Variants in MYO18B observed in about 807,000 individuals in gnomAD.
The protein encoded by MYO18B is unconventional myosin-XVIIIb.
In MYO18B, 204 loss-of-function variants were observed where a neutral mutation model predicts 273.0. The observed-to-expected ratio is 0.75, with a 90% CI of 0.67 to 0.84. The LOEUF is 0.84. Ranked by LOEUF, MYO18B falls within the 40% of genes least tolerant of loss-of-function variation. The pLI is 0.00. For missense variants in MYO18B, 3,212 were observed against 3,287.6 expected (o/e 0.98, Z 0.56); for synonymous variants, 1,330 against 1,305.7 (o/e 1.02, Z -0.40).
Position 25,868,374 on chromosome 22 carries a change from G to A in MYO18B, c.3940G>A (p.Gly1314Arg). 6.3e-7 allele frequency: 1 copy of A among 1,598,780 alleles called. No individual in the cohort carries two copies. Among genetic ancestry groups the A allele is most frequent in the Non-Finnish European group, 8.5e-7 (1 of 1,172,570 alleles). The change falls in exon 22 of 44, where the codon GGG becomes AGG. Residue 1314 changes from glycine to arginine, a missense_variant. Gly to Arg is a moderately radical substitution (Grantham distance 125, BLOSUM62 -2). Transcript: ENST00000335473. ...TCTGGAAAAGAAGGCGGTGGCTGTG[G>A]GGCACAGCCAAGTGAGTAGAGCTGC... ...LDLEKKAVAV[G>R]HSQVFLKAGV...
intron 39 of MYO18B, among the ~76,000 whole-genome samples, chr22:25,976,545 G>A (rs1341199880): frequency 1.3e-5 from 2 of 152,270 alleles, no homozygotes; most frequent in Admixed American, 6.5e-5. Flanking sequence ...CTTAATTTTA[G>A]TCATTAACAT....
At chr22:25,963,171 C>CTCTG (rs1194211206) in intron 39 of MYO18B, among the ~76,000 whole-genome samples, 4 of 148,592 alleles carry the variant, frequency 2.7e-5, no homozygotes, top group Admixed American at 2.7e-4. Context: ...CTCTCTCTCT[C>CTCTG]TCTCTCTCAC....
intron 25 of MYO18B, among the ~76,000 whole-genome samples, chr22:25,882,155 C>T (rs1275257126): frequency 7.7e-6 from 1 of 129,100 alleles, no homozygotes; most frequent in East Asian, 2.8e-4. Flanking sequence ...TTCCTAGTGA[C>T]CTCCTTTATC....
intron 41 of MYO18B, among the ~76,000 whole-genome samples, chr22:26,003,658 C>T (rs1934176926): frequency 6.6e-6 from 1 of 152,100 alleles, no homozygotes; most frequent in Non-Finnish European, 1.5e-5. Flanking sequence ...TGTTTATGCC[C>T]CGACCTTTAT....
At chr22:25,752,684 G>A (rs536945003) in intron 1 of MYO18B, among the ~76,000 whole-genome samples, 72 of 152,260 alleles carry the variant, frequency 4.7e-4, no homozygotes, top group African/African-American at 1.7e-3. Context: ...TTAGACATGG[G>A]GTTGAGAGGT....
chr22:25,789,418 C>T lies in MYO18B; in HGVS notation c.2376+3927C>T, dbSNP rs532153212. ...TGGGAGGCTGAGGCGGGCGGATCACCTGAGGTCAGGAGTTCGAGACCAGCC... is the reference window on the plus strand; with the variant it reads ...TGGGAGGCTGAGGCGGGCGGATCACTTGAGGTCAGGAGTTCGAGACCAGCC... On this transcript the variant is annotated intron_variant, in intron 11 of 43. Coordinates refer to ENST00000335473, the MANE Select transcript of MYO18B (RefSeq NM_032608.7). 3.9e-3 allele frequency among the ~76,000 whole-genome samples: 591 copies of T among 151,816 alleles called. 5 individuals are homozygous for T. The highest frequency in any genetic ancestry group is 0.012 in the African/African-American group (514 of 41,446).
intron 39 of MYO18B, among the ~76,000 whole-genome samples, chr22:25,960,888 C>T (rs2092910986): frequency 6.6e-6 from 1 of 152,000 alleles, no homozygotes; most frequent in African/African-American, 2.4e-5. Context: ...TTGGCTCATG[C>T]TTTATAATCC....
At chr22:25,963,196 A>T (rs1306721636) in intron 39 of MYO18B, among the ~76,000 whole-genome samples, 1 of 150,592 alleles carries the variant, frequency 6.6e-6, no homozygotes, top group African/African-American at 2.5e-5. Flanking sequence ...ACACACACAC[A>T]CACACACACA....
chr22:26,057,062 A>G, the MYO18B span, among the ~76,000 whole-genome samples: 2 of 152,158 alleles, frequency 1.3e-5, no homozygotes, highest in Non-Finnish European at 2.9e-5. Flanking sequence ...AGGAGTGCAG[A>G]CGTTCAAAAT....
the MYO18B span, among the ~76,000 whole-genome samples, chr22:26,058,503 A>G: frequency 5.3e-5 from 8 of 152,316 alleles, no homozygotes; most frequent in African/African-American, 1.9e-4. Context: ...CAGGGACTGC[A>G]ATAGTTTGAA....
At chr22:25,805,603 C>G (rs751944920) in intron 12 of MYO18B, among the ~76,000 whole-genome samples, 11 of 152,200 alleles carry the variant, frequency 7.2e-5, no homozygotes, top group Non-Finnish European at 1.5e-4. Context: ...TGTTCTCATG[C>G]CGCAGCCAGC....
Position 25,895,200 on chromosome 22 carries a change from G to T in MYO18B, c.4588G>T (p.Glu1530Ter). 11 of 1,611,558 alleles carry T rather than the reference G, an allele frequency of 6.8e-6. No homozygotes were observed. Among genetic ancestry groups the T allele is most frequent in the Non-Finnish European group, 9.3e-6 (11 of 1,178,986 alleles). ...MRFDCAQMEN[E>*]FLRKRLQQCE... ...CTTCGACTGTGCTCAGATGGAGAAC[G>T]AGTTCCTCAGAAAGCGTCTGCAGCA... The change falls in exon 28 of 44, where the codon GAG becomes TAG. Residue 1530 changes from glutamate to a stop codon, truncating the protein, a stop_gained. Coordinates refer to ENST00000335473, the MANE Select transcript of MYO18B (RefSeq NM_032608.7). LOFTEE classifies it high-confidence loss of function.
chr22:26,027,781 C>G lies in MYO18B; in HGVS notation c.*12+91C>G. On this transcript the variant is annotated intron_variant, in intron 43 of 43. Transcript: ENST00000335473. The surrounding 1 kb of genome is among the most constrained non-coding windows in gnomAD (Gnocchi z 4.1). ...CAGGTGCCACTACTGTCCTTAATGC[C>G]ACAACCGATTTCTCTAGAGACCAAG... 2 of 1,339,282 alleles carry G rather than the reference C, an allele frequency of 1.5e-6. No individual in the cohort carries two copies. The highest frequency in any genetic ancestry group is 2.0e-6 in the Non-Finnish European group (2 of 1,002,196). 83.0% of individuals were successfully genotyped at this position (1,339,282 alleles called of 1,614,324 possible).
chr22:25,872,319 C>T (rs2091070196), intron 22 of MYO18B, among the ~76,000 whole-genome samples: 1 of 152,128 alleles, frequency 6.6e-6, no homozygotes, highest in Non-Finnish European at 1.5e-5. Context: ...AGTTGAACCT[C>T]GCACTTCAAG....
chr22:25,825,475 T>C (rs560449826), intron 13 of MYO18B, among the ~76,000 whole-genome samples: 30 of 152,350 alleles, frequency 2.0e-4, no homozygotes, highest in Middle Eastern at 3.4e-3. Context: ...CACTCCTCAC[T>C]CTGCTTTGTT....
chr22:25,990,197 C>G (rs924137374), intron 39 of MYO18B, among the ~76,000 whole-genome samples: 2 of 152,138 alleles, frequency 1.3e-5, no homozygotes, highest in East Asian at 1.9e-4. Context: ...TGTGAATGGG[C>G]AAGCCAATGT....
At chr22:26,038,818 C>T in the MYO18B span, among the ~76,000 whole-genome samples, 10 of 152,216 alleles carry the variant, frequency 6.6e-5, no homozygotes, top group African/African-American at 2.4e-4. Context: ...CTTAGTCTCT[C>T]TGCCCTGAGA....
the MYO18B span, among the ~76,000 whole-genome samples, chr22:26,051,753 G>T: frequency 1.3e-5 from 2 of 152,142 alleles, no homozygotes; most frequent in African/African-American, 4.8e-5. Flanking sequence ...GCATGGACAA[G>T]CAGGAATATA....
chr22:25,986,269 G>A (rs2093201433), intron 39 of MYO18B, among the ~76,000 whole-genome samples: 1 of 152,234 alleles, frequency 6.6e-6, no homozygotes, highest in Non-Finnish European at 1.5e-5. Context: ...GCATGGAGCA[G>A]GTGGATGAGG....
Sources: allele counts gnomAD v4.1 joint callset (sites outside exome capture counted in the v4.1 genomes callset), GRCh38; gene constraint gnomAD v4.1.1; non-coding constraint Gnocchi (gnomAD v3.1); transcripts MANE v1.5; gene names NCBI Gene and HGNC (gene_info 2026-07-23, HGNC 2026-07-21).